The following HERC4 variants were observed in gnomAD, a reference collection of about 807,000 sequenced individuals.
The protein encoded by HERC4 is HECT and RLD domain containing E3 ubiquitin protein ligase 4, also known as probable E3 ubiquitin-protein ligase HERC4.
HERC4 carries 28 observed loss-of-function variants against 124.3 expected under a neutral mutation model. The observed-to-expected ratio is 0.23, with a 90% CI of 0.17 to 0.31. HERC4 has a LOEUF of 0.31. Among genes scored for constraint, HERC4 ranks in the 10% least tolerant of loss-of-function variants. The pLI is 1.00. For synonymous variants in HERC4, 407 were observed against 421.5 expected, an observed-to-expected ratio of 0.97 and a Z score of 0.42; for missense variants, 713 against 1,229.3, an observed-to-expected ratio of 0.58 and a Z score of 6.28.
At position 67,990,686 on chromosome 10, in the gene HERC4, C is replaced by T. The variant is rs11813416; in HGVS notation, c.1443+218G>A. Among the ~76,000 whole-genome samples, 505 of 152,126 alleles carry T rather than the reference C, an allele frequency of 3.3e-3. 1 individual carries two copies. The highest frequency in any genetic ancestry group is 0.011 in the African/African-American group (477 of 41,534). ...TATAACCATACACAAACTTAAGCAA[C>T]GTGGTAATGTTAAGTAATTCAGGGT... On this transcript the variant is annotated intron_variant, in intron 13 of 24. Transcript: ENST00000373700.
intron 19 of HERC4, among the ~76,000 whole-genome samples, chr10:67,944,791 AAT>A (rs1463573954): frequency 6.6e-6 from 1 of 152,248 alleles, no homozygotes; most frequent in Non-Finnish European, 1.5e-5. Flanking sequence ...AGAGTTGAAA[AAT>A]GCAACTGACA....
intron 23 of HERC4, among the ~76,000 whole-genome samples, chr10:67,927,961 CAGGATA>C (rs1232792056): frequency 6.6e-6 from 1 of 152,030 alleles, no homozygotes; most frequent in Non-Finnish European, 1.5e-5. Context: ...CGAGGGGAGA[CAGGATA>C]CGTGTGCAGG....
chr10:68,020,201 G>A (rs2038524495), intron 8 of HERC4, among the ~76,000 whole-genome samples: 2 of 152,086 alleles, frequency 1.3e-5, no homozygotes, highest in African/African-American at 2.4e-5. Flanking sequence ...TCTGGCAAAG[G>A]GGGAGAATCT....
At chr10:67,926,455 A>T (rs2030976737) in intron 23 of HERC4, among the ~76,000 whole-genome samples, 1 of 151,916 alleles carries the variant, frequency 6.6e-6, no homozygotes. Context: ...ACTAAAAGAG[A>T]AGCAGGTAGG....
chr10:67,968,307 A>AAAAT (rs917920226), intron 15 of HERC4, among the ~76,000 whole-genome samples: 30 of 152,270 alleles, frequency 2.0e-4, no homozygotes, highest in East Asian at 9.6e-4. Context: ...AGACCTGCTA[A>AAAAT]AAATAAATAA....
chr10:67,953,814 A>G (rs1363410343), intron 19 of HERC4, among the ~76,000 whole-genome samples: 1 of 152,202 alleles, frequency 6.6e-6, no homozygotes, highest in Admixed American at 6.5e-5. Flanking sequence ...GAAGTATCCA[A>G]GCTAATAAAT....
chr10:68,002,920 A>T (rs2037316354), intron 9 of HERC4, among the ~76,000 whole-genome samples: 1 of 151,968 alleles, frequency 6.6e-6, no homozygotes, highest in Non-Finnish European at 1.5e-5. Context: ...TTTTATGAGT[A>T]CACAGTAGGT....
chr10:68,018,176 A>G (rs1435141123), intron 8 of HERC4, among the ~76,000 whole-genome samples: 1 of 152,140 alleles, frequency 6.6e-6, no homozygotes, highest in Non-Finnish European at 1.5e-5. Context: ...AACAAAAAGG[A>G]TAATACTTGA....
In HERC4 at chr10:67,962,267, T is replaced by C. The variant is rs958095199; in HGVS notation, c.1926+4416A>G. On this transcript the variant is annotated intron_variant, in intron 16 of 24. Transcript: ENST00000373700. ...AAAAATTTATCTATGGCCTGCTTGA[T>C]AACTATACTATATACCAAGGGAGTT... 6.6e-5 allele frequency among the ~76,000 whole-genome samples: 10 copies of C among 151,870 alleles called. No individual in the cohort carries two copies. The East Asian group carries it at 1.9e-3, about 29-fold the overall frequency.
intron 3 of HERC4, among the ~76,000 whole-genome samples, chr10:68,059,633 A>ATTAT (rs1564608145): frequency 1.2e-5 from 1 of 83,890 alleles, no homozygotes; most frequent in African/African-American, 7.0e-5. Context: ...TATATATCAT[A>ATTAT]ATATTATATA....
chr10:67,977,171 C>T (rs1276514027), intron 15 of HERC4, among the ~76,000 whole-genome samples: 1 of 152,152 alleles, frequency 6.6e-6, no homozygotes, highest in Non-Finnish European at 1.5e-5. Context: ...GGAGAGAAGA[C>T]TGGAGGGAAG....
intron 5 of HERC4, among the ~76,000 whole-genome samples, chr10:68,035,151 C>G (rs1474384919): frequency 6.6e-6 from 1 of 150,664 alleles, no homozygotes; most frequent in Non-Finnish European, 1.5e-5. Flanking sequence ...CAAGAGACAA[C>G]CACTCTTTTT....
intron 7 of HERC4, among the ~76,000 whole-genome samples, chr10:68,031,451 C>T (rs1362342482): frequency 2.6e-5 from 4 of 151,876 alleles, no homozygotes; most frequent in African/African-American, 4.8e-5. Context: ...TATCTGAATG[C>T]CAAAATCAAT....
chr10:68,006,055 T>TA (rs1389686575), intron 9 of HERC4, among the ~76,000 whole-genome samples: 1 of 152,210 alleles, frequency 6.6e-6, no homozygotes, highest in Non-Finnish European at 1.5e-5. Context: ...AGAAAAATGA[T>TA]AAAAACTTTA....
intron 3 of HERC4, among the ~76,000 whole-genome samples, chr10:68,044,845 T>C (rs537718996): frequency 1.3e-4 from 20 of 152,150 alleles, no homozygotes; most frequent in Admixed American, 4.6e-4. Flanking sequence ...TGGGAAGAAG[T>C]TAAGGGTTTA....
At chr10:68,023,691 TA>T (rs2038761996) in intron 8 of HERC4, among the ~76,000 whole-genome samples, 1 of 152,180 alleles carries the variant, frequency 6.6e-6, no homozygotes, top group South Asian at 2.1e-4. Flanking sequence ...TAAAAATAGT[TA>T]AGGTGGTAAA....
rs117478658 is a variant in HERC4, at chr10:67,982,218, T to C, written c.1806+6445A>G. 2.5e-3 allele frequency among the ~76,000 whole-genome samples: 377 copies of C among 152,246 alleles called. 3 individuals are homozygous for C. Among genetic ancestry groups the C allele is most frequent in the Non-Finnish European group, 4.6e-3 (315 of 68,012 alleles). ...CATATTACCTGACTTCAAATTATAG[T>C]GCAGCGGTATAGTAATCAAAAGAGC... On this transcript the variant is annotated intron_variant, in intron 15 of 24. Transcript: ENST00000373700.
intron 3 of HERC4, among the ~76,000 whole-genome samples, chr10:68,066,602 G>T (rs561590465): frequency 6.6e-6 from 1 of 152,300 alleles, no homozygotes; most frequent in South Asian, 2.1e-4. Flanking sequence ...CTTAGAGAGA[G>T]ATGCATGTAT....
intron 20 of HERC4, among the ~76,000 whole-genome samples, chr10:67,940,729 G>A (rs190481911): frequency 4.1e-4 from 63 of 152,314 alleles, no homozygotes; most frequent in Middle Eastern, 6.8e-3. Context: ...ACAGGTGTGG[G>A]CCACTGGGCC....
Sources: gnomAD v4.1 joint callset for allele counts (sites outside exome capture counted in the v4.1 genomes callset) on GRCh38, gnomAD v4.1.1 for gene constraint, MANE v1.5 for transcripts, NCBI Gene and HGNC (gene_info 2026-07-23, HGNC 2026-07-21) for gene names.